SORCS2: variants seen among roughly 807,000 people sequenced by gnomAD.
SORCS2 encodes VPS10 domain-containing receptor SorCS2.
Under a neutral mutation model 141.6 loss-of-function variants are expected in SORCS2, and 100 were observed. That is an observed-to-expected ratio of 0.71 (90% CI 0.60 to 0.83). The LOEUF (loss-of-function observed/expected upper bound fraction) is 0.83. Among genes scored for constraint, SORCS2 ranks in the 40% least tolerant of loss-of-function variants. The pLI is 0.00. For synonymous variants in SORCS2, 789 were observed against 676.9 expected, an observed-to-expected ratio of 1.17 and a Z score of -2.57; for missense variants, 1,646 against 1,560.2, an observed-to-expected ratio of 1.05 and a Z score of -0.93.
At chr4:7,538,587 T>TCACACACACACACACACACACACACACA (rs34526550) in intron 3 of SORCS2, among the ~76,000 whole-genome samples, 4 of 150,578 alleles carry the variant, frequency 2.7e-5, no homozygotes, top group African/African-American at 9.8e-5. Context: ...AATATTAAAA[T>TCACACACACACACACACACACACACACA]CACACACACA....
At chr4:7,562,643 C>G (rs987941936) in intron 3 of SORCS2, among the ~76,000 whole-genome samples, 2 of 152,202 alleles carry the variant, frequency 1.3e-5, no homozygotes, top group South Asian at 2.1e-4. Context: ...TGAAGGACCA[C>G]AGATTGGATG....
At chr4:7,712,569 C>T (rs528697740) in intron 14 of SORCS2, among the ~76,000 whole-genome samples, 164 bp from the exon 15 acceptor site, 7 of 152,308 alleles carry the variant, frequency 4.6e-5, no homozygotes, top group Admixed American at 2.0e-4. Flanking sequence ...GGGCCAGGCT[C>T]GGTGACCGGG....
chr4:7,666,802 G>A (rs188074814), intron 7 of SORCS2, among the ~76,000 whole-genome samples: 82 of 152,228 alleles, frequency 5.4e-4, no homozygotes, highest in African/African-American at 1.6e-3. Context: ...GGTAACGAGC[G>A]CATCTTTGGC....
chr4:7,558,057 T>C (rs28468677), intron 3 of SORCS2, among the ~76,000 whole-genome samples: 57,587 of 151,808 alleles, frequency 0.38, 12,039 homozygotes, highest in African/African-American at 0.56. Flanking sequence ...CCGGAGGAGG[T>C]GTTGAGTGAG....
rs1036503474 is a variant in SORCS2, at chr4:7,723,631, A to G, written c.2425-66A>G. The G allele has an allele frequency of 1.4e-5, 21 of 1,550,774 alleles. No individual in the cohort carries two copies. In the Admixed American group the frequency reaches 2.8e-4, roughly 21 times the overall value. ...AATGAGTGAGTGAGTGAGTGAGTGA[A>G]TGAACCACTCTGGCCCCTCAGCTTC... is the stretch of plus-strand genomic sequence containing the variant. On this transcript the variant is annotated intron_variant, in intron 18 of 26. Transcript: ENST00000507866.
In SORCS2 at chr4:7,740,267, C is replaced by T. The variant is rs561177596; in HGVS notation, c.*3C>T. 1.4e-5 allele frequency: 22 copies of T among 1,608,014 alleles called. No homozygotes were observed. The African/African-American group carries it at 2.0e-4, about 15-fold the overall frequency. On this transcript the variant is annotated 3_prime_UTR_variant, in exon 27 of 27. Coordinates refer to ENST00000507866, the MANE Select transcript of SORCS2 (RefSeq NM_020777.3). The stretch of plus-strand genomic sequence containing the variant: ...TGCACAGCTACCTGGTGAGCTGATG[C>T]CACCCCAGCATCTGTCTTTTCACCC...
At position 7,193,391 on chromosome 4, in the gene SORCS2, T is replaced by C. The variant is rs1249391115; in HGVS notation, c.480+265T>C. On this transcript the variant is annotated intron_variant, in intron 1 of 26. Coordinates refer to ENST00000507866, the MANE Select transcript of SORCS2 (RefSeq NM_020777.3). This position sits in a 1 kb window ranked among gnomAD's most constrained non-coding sequence, Gnocchi z 4.8. ...CGGGATCCTGGGCCACCTCCGATAC[T>C]CCCCCACTGGCCTCCAGGTCTTGGG... is the stretch of plus-strand genomic sequence containing the variant. Among the ~76,000 whole-genome samples the C allele has an allele frequency of 2.0e-5, 3 of 152,046 alleles. No homozygotes were observed. Among genetic ancestry groups the C allele is most frequent in the Non-Finnish European group, 4.4e-5 (3 of 67,988 alleles).
rs535541829 is a variant in SORCS2 at position 7,575,449 on chromosome 4, T to C, written c.648+43820T>C. On this transcript the variant is annotated intron_variant, in intron 3 of 26. Coordinates refer to ENST00000507866, the MANE Select transcript of SORCS2 (RefSeq NM_020777.3). ...ATTTAGCTGCATCTATATGTATAGA[T>C]GCATATAGCTCTGAATTCAACTGCT... 5.1e-4 allele frequency among the ~76,000 whole-genome samples: 77 copies of C among 152,358 alleles called. 1 individual carries two copies. The South Asian group carries it at 0.015, about 30-fold the overall frequency.
chr4:7,621,179 G>C (rs1577852398), intron 3 of SORCS2, among the ~76,000 whole-genome samples: 1 of 152,274 alleles, frequency 6.6e-6, no homozygotes, highest in East Asian at 1.9e-4. Flanking sequence ...GTGGCAGCCC[G>C]CCCAGCCCTG....
intron 3 of SORCS2, among the ~76,000 whole-genome samples, chr4:7,619,978 C>G (rs1194188138): frequency 1.3e-5 from 2 of 152,102 alleles, no homozygotes; most frequent in African/African-American, 4.8e-5. Flanking sequence ...ACTCTAGAAA[C>G]AGCTGCATCT....
chr4:7,435,102 A>C (rs919019495), intron 2 of SORCS2: 47 of 567,864 alleles, frequency 8.3e-5, no homozygotes, highest in Non-Finnish European at 1.2e-4. Flanking sequence ...GGATAAGATA[A>C]ACTCTTAGCA....
Position 7,724,904 on chromosome 4 carries a change from ATAGTAT to A in SORCS2, c.2612-248_2612-243del, listed in dbSNP as rs1560115024. On this transcript the variant is annotated intron_variant, in intron 19 of 26. Coordinates refer to ENST00000507866, the MANE Select transcript of SORCS2 (RefSeq NM_020777.3). Reference sequence around the variant, plus strand: ...GGTGGTGGTGTTGGTGATGGTGGTGATAGTATTGGTGGGAATGGATGGTGGTAGTAG... The same window carrying A: ...GGTGGTGGTGTTGGTGATGGTGGTGATGGTGGGAATGGATGGTGGTAGTAG... 2.0e-3 allele frequency among the ~76,000 whole-genome samples: 66 copies of A among 33,004 alleles called. 9 individuals carry two copies. Among genetic ancestry groups the A allele is most frequent in the South Asian group, 6.4e-3 (6 of 942 alleles). 21.7% of individuals were successfully genotyped at this position (33,004 alleles called of 152,430 possible). A position where few individuals can be genotyped will look rare whatever the true frequency, so the allele number is the denominator to read the frequency against.
At chr4:7,284,847 G>C (rs1370335837) in intron 1 of SORCS2, among the ~76,000 whole-genome samples, 1 of 152,110 alleles carries the variant, frequency 6.6e-6, no homozygotes, top group Non-Finnish European at 1.5e-5. Flanking sequence ...TGAAGGCTCT[G>C]GGGGAAGATC....
chr4:7,435,392 C>T (rs943087343), intron 2 of SORCS2, among the ~76,000 whole-genome samples: 2 of 152,248 alleles, frequency 1.3e-5, no homozygotes, highest in Non-Finnish European at 2.9e-5. Context: ...TGGCCACCCC[C>T]TGGATGCCAC....
At chr4:7,535,601 G>A (rs1712055995) in intron 3 of SORCS2, among the ~76,000 whole-genome samples, 2 of 152,250 alleles carry the variant, frequency 1.3e-5, no homozygotes, top group Admixed American at 1.3e-4. Flanking sequence ...ATCCGGGCCT[G>A]GCCCGAGGGA....
At chr4:7,630,683 A>C (rs1488735390) in intron 3 of SORCS2, among the ~76,000 whole-genome samples, 2 of 152,212 alleles carry the variant, frequency 1.3e-5, no homozygotes, top group African/African-American at 4.8e-5. Flanking sequence ...CTTTCTGCTC[A>C]TTGTGACTCA....
chr4:7,355,379 T>A (rs1721184881), intron 1 of SORCS2, among the ~76,000 whole-genome samples: 1 of 152,200 alleles, frequency 6.6e-6, no homozygotes, highest in Admixed American at 6.5e-5. Flanking sequence ...ACACAACCTA[T>A]ATTTGTCAGA....
At chr4:7,637,399 G>A (rs968057653) in intron 3 of SORCS2, among the ~76,000 whole-genome samples, 8 of 152,162 alleles carry the variant, frequency 5.3e-5, no homozygotes, top group Admixed American at 6.5e-5. Context: ...CTCTCTCCCC[G>A]TCCGTCCCTG....
chr4:7,660,402 G>A (rs1234215733), intron 5 of SORCS2, among the ~76,000 whole-genome samples: 4 of 152,172 alleles, frequency 2.6e-5, no homozygotes, highest in South Asian at 2.1e-4. Flanking sequence ...CTTGGACACC[G>A]TAGGTTTGTC....
Sources: gnomAD v4.1 joint callset for allele counts (sites outside exome capture counted in the v4.1 genomes callset) on GRCh38, gnomAD v4.1.1 for gene constraint, Gnocchi (gnomAD v3.1) non-coding constraint, MANE v1.5 for transcripts, NCBI Gene and HGNC (gene_info 2026-07-23, HGNC 2026-07-21) for gene names.